The following SYNE1 variants were observed in gnomAD, a reference collection of about 807,000 sequenced individuals.
SYNE1 encodes spectrin repeat containing nuclear envelope protein 1.
SYNE1 carries 616 observed loss-of-function variants against 1,111.0 expected under a neutral mutation model. That is an observed-to-expected ratio of 0.55 (90% confidence interval 0.52 to 0.59). The LOEUF is 0.59. SYNE1 is among the 20% of genes least tolerant of loss of function. SYNE1 has a pLI of 0.00. For missense variants in SYNE1, 10,006 were observed against 10,417.0 expected (o/e 0.96, Z 1.72); for synonymous variants, 3,855 against 3,825.8 (o/e 1.01, Z -0.28).
chr6:152,367,039 T>A (rs1456374581), intron 62 of SYNE1, 179 bp downstream of exon 62: 3 of 767,498 alleles, frequency 3.9e-6, no homozygotes, highest in Non-Finnish European at 7.0e-6. Context: ...ACATCCGGGG[T>A]CAGATGATTC....
rs1589915093 is a variant in SYNE1 at position 152,316,633 on chromosome 6, G to T, written c.16710+216C>A. The T allele has an allele frequency of 1.4e-5, 8 of 580,906 alleles. No individual in the cohort carries two copies. The East Asian group carries it at 2.4e-4, about 18-fold the overall frequency. 36.0% of individuals were successfully genotyped at this position (580,906 alleles called of 1,614,324 possible). ...TGGGTCTTGGTGTAAGGTAGGTTTA[G>T]GGAAGATCAAGGATATTTATTTATT... is the stretch of plus-strand genomic sequence containing the variant. On this transcript the variant is annotated intron_variant, in intron 87 of 145. Transcript: ENST00000367255.
At position 152,373,063 on chromosome 6, in the gene SYNE1, G is replaced by C; in HGVS notation, c.9481C>G (p.Leu3161Val). 6.2e-7 allele frequency: 1 copy of C among 1,614,102 alleles called. No individual in the cohort carries two copies. The highest frequency in any genetic ancestry group is 1.3e-5 in the African/African-American group (1 of 75,050). ...TCTAGAGCAGATTCTTTTTGGTGGA[G>C]ATTTGAATGAAAATTTTTCCAATCT... ...KEDWKNFHSN[L>V]HQKESALENL... The change falls in exon 59 of 146, where the codon CTC (leucine) becomes GTC (valine). Residue 3161 changes from leucine (L) to valine (V), a missense_variant. Leu to Val is a conservative substitution (Grantham distance 32). This residue lies in a region of SYNE1 where 4,955 missense variants were observed against 5,017.2 expected (regional missense o/e 0.99). Transcript: ENST00000367255.
Position 152,369,593 on chromosome 6 carries a change from C to A in SYNE1, c.9529G>T (p.Asp3177Tyr). Residue 3177 changes from aspartate (D) to tyrosine (Y), a missense_variant, in exon 60 of 146, where the codon GAC becomes TAC. Transcript: ENST00000367255. ...ATAGGCTCAGCACTTACTTCAAAGT[C>A]CTTCATTTGGATCTTTAGATTCTGC... ...ALENLKIQMKDFEVSAEPIQD... is the reference protein window; with the variant it reads ...ALENLKIQMKYFEVSAEPIQD... 6.2e-7 allele frequency: 1 copy of A among 1,614,134 alleles called. No homozygotes were observed. The highest frequency in any genetic ancestry group is 2.2e-5 in the East Asian group (1 of 44,888).
At chr6:152,581,664 C>T (rs2099520151) in intron 3 of SYNE1, among the ~76,000 whole-genome samples, 1 of 152,120 alleles carries the variant, frequency 6.6e-6, no homozygotes, top group Non-Finnish European at 1.5e-5. Context: ...AACACCTCAT[C>T]ACTTTCCCTT....
At chr6:152,304,153 G>A (rs1270306818) in intron 91 of SYNE1, among the ~76,000 whole-genome samples, 2 of 152,082 alleles carry the variant, frequency 1.3e-5, no homozygotes, top group African/African-American at 4.8e-5. Flanking sequence ...TGATTGAATA[G>A]CTATTTACTA....
chr6:152,401,406 T>C (rs2097815687), intron 46 of SYNE1, 65 bp from the exon 47 acceptor site: 2 of 1,519,624 alleles, frequency 1.3e-6, no homozygotes, highest in Non-Finnish European at 1.8e-6. Flanking sequence ...TCAGTAGAAA[T>C]TCTGTTCACG....
At chr6:152,553,914 A>G (rs572603731) in intron 3 of SYNE1, among the ~76,000 whole-genome samples, 2 of 152,274 alleles carry the variant, frequency 1.3e-5, no homozygotes, top group Admixed American at 6.5e-5. Context: ...AGCTGAAGCT[A>G]GGAGAGTCTT....
chr6:152,181,605 T>A (rs1478131427), intron 128 of SYNE1, among the ~76,000 whole-genome samples: 1 of 152,218 alleles, frequency 6.6e-6, no homozygotes, highest in African/African-American at 2.4e-5. Flanking sequence ...TTAGCATATT[T>A]TAAAGATTCA....
At chr6:152,369,195 C>A in intron 60 of SYNE1, 68 bp from the exon 61 acceptor site, 1 of 1,585,606 alleles carries the variant, frequency 6.3e-7, no homozygotes, top group South Asian at 1.1e-5. Flanking sequence ...AGCTTTGGCC[C>A]AGAGAACATG....
At chr6:152,597,477 G>A (rs1213884492) in intron 3 of SYNE1, among the ~76,000 whole-genome samples, 7 of 152,026 alleles carry the variant, frequency 4.6e-5, no homozygotes, top group Admixed American at 4.6e-4. Context: ...TGTGGAAATG[G>A]CATCTCACTA....
At chr6:152,592,028 T>G (rs1960841) in intron 3 of SYNE1, among the ~76,000 whole-genome samples, 3,320 of 152,098 alleles carry the variant, frequency 0.022, 130 homozygotes, top group African/African-American at 0.076. Context: ...AACAGATGCT[T>G]GCCAGGCTCC....
chr6:152,351,531 T>C (rs931995768), intron 70 of SYNE1, among the ~76,000 whole-genome samples: 6 of 152,258 alleles, frequency 3.9e-5, no homozygotes, highest in Non-Finnish European at 1.5e-5. Context: ...GCCACATCAC[T>C]ATTTATTCTT....
intron 3 of SYNE1, among the ~76,000 whole-genome samples, chr6:152,596,502 CGCCTTG>C (rs2099582355): frequency 6.6e-6 from 1 of 152,048 alleles, no homozygotes; most frequent in Non-Finnish European, 1.5e-5. Context: ...GTGATCCGCC[CGCCTTG>C]GCCTCCCAAA....
At position 152,404,104 on chromosome 6, in the gene SYNE1, G is replaced by GATATATAT. The variant is rs143864698; in HGVS notation, c.6825+101_6825+108dup. On this transcript the variant is annotated intron_variant, in intron 46 of 145. Transcript: ENST00000367255. ...ATATATACGAGATATAGATATATGAGATATATATATATACACACACACACA... is the reference window on the plus strand; with the variant it reads ...ATATATACGAGATATAGATATATGAGATATATATATATATATATATACACACACACACA... 47,713 of 527,260 alleles carry GATATATAT rather than the reference G, an allele frequency of 0.09. 2,386 individuals carry two copies. The highest frequency in any genetic ancestry group is 0.24 in the East Asian group (4,528 of 19,238). 32.7% of individuals were successfully genotyped at this position (527,260 alleles called of 1,614,324 possible).
At chr6:152,349,731 G>A (rs926709369) in intron 72 of SYNE1, among the ~76,000 whole-genome samples, 9 of 152,144 alleles carry the variant, frequency 5.9e-5, no homozygotes, top group African/African-American at 1.2e-4. Flanking sequence ...GAATTCCTAC[G>A]TGTTGTAGAA....
At chr6:152,514,478 C>T (rs991978582) in intron 6 of SYNE1, among the ~76,000 whole-genome samples, 18 of 151,856 alleles carry the variant, frequency 1.2e-4, no homozygotes, top group African/African-American at 2.4e-4. Flanking sequence ...GTGCCTGTCA[C>T]GGGGTAGGGG....
chr6:152,610,210 C>T (rs940719457), intron 3 of SYNE1, among the ~76,000 whole-genome samples: 9 of 152,054 alleles, frequency 5.9e-5, no homozygotes, highest in Non-Finnish European at 1.3e-4. Context: ...GCTAAAGGAG[C>T]ATGTTCAAAC....
chr6:152,233,789 G>A lies in SYNE1; in HGVS notation c.20704C>T (p.Leu6902Phe), dbSNP rs2083340194. The change falls in exon 112 of 146, where the codon CTC (leucine) becomes TTC (phenylalanine). Residue 6902 changes from leucine (L) to phenylalanine (F), a missense_variant. Around this residue, in one of 7 missense-constraint regions of SYNE1, gnomAD observed 2,182 missense variants for 2,287.8 expected, o/e 0.95. Transcript: ENST00000367255. ...LTNIPAVQEK[L>F]HQLQMDKLPS... ...AGCAATCCTTTCTGTACCTGGTGGA[G>A]CTTCTCCTGGACGGCTGGGATATTG... 6.2e-7 allele frequency: 1 copy of A among 1,614,090 alleles called. No homozygotes were observed. The highest frequency in any genetic ancestry group is 8.5e-7 in the Non-Finnish European group (1 of 1,180,044).
At chr6:152,404,392 T>C in intron 45 of SYNE1, 78 bp from the exon 46 acceptor site, 1 of 1,167,412 alleles carries the variant, frequency 8.6e-7, no homozygotes, top group Non-Finnish European at 1.3e-6. Context: ...CAAGAAGAGC[T>C]AACTTTGTCG....
Sources: allele counts gnomAD v4.1 joint callset (sites outside exome capture counted in the v4.1 genomes callset), GRCh38; gene constraint gnomAD v4.1.1; regional missense constraint gnomAD v4.1.1; transcripts MANE v1.5; gene names NCBI Gene and HGNC (gene_info 2026-07-23, HGNC 2026-07-21).